The following SLC35F1 variants were observed in gnomAD, a reference collection of about 807,000 sequenced individuals.
SLC35F1 encodes the protein chromosome 6 open reading frame 169.
Under a neutral mutation model 48.7 loss-of-function variants are expected in SLC35F1, and 14 were observed. That is an observed-to-expected ratio of 0.29 (90% confidence interval 0.19 to 0.45). The LOEUF (loss-of-function observed/expected upper bound fraction) is 0.45. SLC35F1 is among the 20% of genes least tolerant of loss of function. The pLI, the probability that SLC35F1 is intolerant of heterozygous loss-of-function variation, is 1.00. For missense variants in SLC35F1, 404 were observed against 500.0 expected (o/e 0.81, Z 1.83); for synonymous variants, 190 against 202.2 (o/e 0.94, Z 0.51).
At chr6:117,990,999 C>A (rs544394772) in intron 1 of SLC35F1, among the ~76,000 whole-genome samples, 1 of 152,164 alleles carries the variant, frequency 6.6e-6, no homozygotes, top group Non-Finnish European at 1.5e-5. Flanking sequence ...GAGTGGTTTG[C>A]CAGTTCTTAA....
chr6:118,017,913 T>C (rs1777343931), intron 1 of SLC35F1, among the ~76,000 whole-genome samples: 2 of 152,198 alleles, frequency 1.3e-5, no homozygotes, highest in African/African-American at 4.8e-5. Flanking sequence ...CAAACTGGCA[T>C]AGTAACAGTT....
intron 1 of SLC35F1, among the ~76,000 whole-genome samples, chr6:117,950,930 T>G (rs549789210): frequency 6.6e-6 from 1 of 152,318 alleles, no homozygotes; most frequent in South Asian, 2.1e-4. Flanking sequence ...ATAAATTTTT[T>G]TCATATTATT....
At position 117,962,557 on chromosome 6, in the gene SLC35F1, C is replaced by T. The variant is rs558690304; in HGVS notation, c.173+54658C>T. 3.0e-4 allele frequency among the ~76,000 whole-genome samples: 46 copies of T among 152,166 alleles called. 2 individuals carry two copies. In the South Asian group the frequency reaches 9.6e-3, roughly 32 times the overall value. ...GGTCTTATATAATCATCTGCTCACC[C>T]AGAGAGCAGATGCTGCTCTCTTTCT... is the stretch of plus-strand genomic sequence containing the variant. On this transcript the variant is annotated intron_variant, in intron 1 of 7. Transcript: ENST00000360388.
intron 1 of SLC35F1, among the ~76,000 whole-genome samples, chr6:118,073,861 C>T (rs908029928): frequency 9.9e-5 from 15 of 152,054 alleles, no homozygotes; most frequent in Admixed American, 5.2e-4. Context: ...AATTGGTCCA[C>T]ACATTTTAAA....
chr6:117,977,754 G>A (rs2114847708), intron 1 of SLC35F1, among the ~76,000 whole-genome samples: 2 of 152,086 alleles, frequency 1.3e-5, no homozygotes, highest in East Asian at 3.9e-4. Context: ...AAGTTTTTAT[G>A]TATTTAAATC....
chr6:118,088,194 G>T (rs1379594288), intron 1 of SLC35F1, among the ~76,000 whole-genome samples: 6 of 152,128 alleles, frequency 3.9e-5, no homozygotes, highest in Admixed American at 3.9e-4. Context: ...CTCACACAAA[G>T]AACTATTTAT....
At chr6:117,968,146 C>T (rs968474314) in intron 1 of SLC35F1, among the ~76,000 whole-genome samples, 1 of 152,122 alleles carries the variant, frequency 6.6e-6, no homozygotes, top group African/African-American at 2.4e-5. Context: ...CATTCGTGTT[C>T]AGACAGTACC....
chr6:117,932,175 G>A (rs1399743065), intron 1 of SLC35F1, among the ~76,000 whole-genome samples: 2 of 152,180 alleles, frequency 1.3e-5, no homozygotes, highest in African/African-American at 4.8e-5. Flanking sequence ...TGGAAGCAGA[G>A]AGCAGCGCTC....
At chr6:118,035,156 T>C (rs991708702) in intron 1 of SLC35F1, among the ~76,000 whole-genome samples, 6 of 152,240 alleles carry the variant, frequency 3.9e-5, no homozygotes, top group Non-Finnish European at 5.9e-5. Context: ...AGTTATCAAA[T>C]TAATTGGCAT....
chr6:118,266,934 A>G (rs758269845), intron 3 of SLC35F1, 61 bp from the exon 4 acceptor site: 17 of 1,583,392 alleles, frequency 1.1e-5, no homozygotes, highest in Non-Finnish European at 1.5e-5. Context: ...ACTTTTCCCT[A>G]CTACATGGAA....
At chr6:117,974,236 A>G (rs1037585104) in intron 1 of SLC35F1, among the ~76,000 whole-genome samples, 3 of 152,248 alleles carry the variant, frequency 2.0e-5, no homozygotes, top group Non-Finnish European at 4.4e-5. Context: ...ATACTTAATC[A>G]GTGTTAGGTC....
At chr6:118,093,573 G>A (rs572443823) in intron 1 of SLC35F1, among the ~76,000 whole-genome samples, 4 of 152,158 alleles carry the variant, frequency 2.6e-5, no homozygotes, top group East Asian at 1.9e-4. Flanking sequence ...TCTTGCCTCC[G>A]CCATGTAAGG....
chr6:118,215,595 G>A (rs953324824), intron 2 of SLC35F1, among the ~76,000 whole-genome samples: 1 of 152,150 alleles, frequency 6.6e-6, no homozygotes, highest in African/African-American at 2.4e-5. Flanking sequence ...ACGATATGAT[G>A]GACAGAGAGG....
intron 1 of SLC35F1, among the ~76,000 whole-genome samples, chr6:118,136,110 T>C (rs963628451): frequency 5.3e-5 from 8 of 152,238 alleles, no homozygotes; most frequent in Non-Finnish European, 8.8e-5. Context: ...TGATACCTGC[T>C]GTGAGCATGT....
chr6:118,280,048 A>T (rs1051679200), intron 6 of SLC35F1, among the ~76,000 whole-genome samples: 4 of 152,164 alleles, frequency 2.6e-5, no homozygotes, highest in African/African-American at 9.7e-5. Context: ...AGATTTTGTT[A>T]TTTTCCTACA....
At chr6:117,988,536 G>A (rs1194357312) in intron 1 of SLC35F1, among the ~76,000 whole-genome samples, 2 of 152,106 alleles carry the variant, frequency 1.3e-5, no homozygotes, top group Non-Finnish European at 2.9e-5. Context: ...CCCCTCAACC[G>A]AGATGGTCCT....
chr6:118,264,170 A>C (rs770889625), intron 3 of SLC35F1, among the ~76,000 whole-genome samples: 1 of 152,226 alleles, frequency 6.6e-6, no homozygotes, highest in Non-Finnish European at 1.5e-5. Context: ...TTAACGGTCA[A>C]GGCCCAGCAA....
chr6:117,912,322 C>G (rs1775774112), intron 1 of SLC35F1, among the ~76,000 whole-genome samples: 1 of 152,168 alleles, frequency 6.6e-6, no homozygotes, highest in African/African-American at 2.4e-5. Flanking sequence ...GAGTTTGAAG[C>G]AAGCCTACAT....
At chr6:118,234,903 G>A (rs1254155514) in intron 2 of SLC35F1, among the ~76,000 whole-genome samples, 1 of 152,146 alleles carries the variant, frequency 6.6e-6, no homozygotes, top group African/African-American at 2.4e-5. Context: ...GCAAGATGGT[G>A]AAGATTATAG....
Sources: gnomAD v4.1 joint callset for allele counts (sites outside exome capture counted in the v4.1 genomes callset) on GRCh38, gnomAD v4.1.1 for gene constraint, MANE v1.5 for transcripts, NCBI Gene and HGNC (gene_info 2026-07-23, HGNC 2026-07-21) for gene names.